The following UTRN variants were observed in gnomAD, a reference collection of about 807,000 sequenced individuals.
UTRN encodes utrophin.
UTRN carries 283 observed loss-of-function variants against 463.9 expected under a neutral mutation model. That is an observed-to-expected ratio of 0.61 (90% confidence interval 0.55 to 0.67). UTRN has a LOEUF of 0.67. UTRN is among the 30% of genes least tolerant of loss of function. The pLI is 0.00. For synonymous variants in UTRN, 1,442 were observed against 1,431.5 expected (o/e 1.01, Z -0.17); for missense variants, 3,922 against 4,084.3 (o/e 0.96, Z 1.08).
chr6:144,842,623 CAT>C (rs1781685045), intron 73 of UTRN, among the ~76,000 whole-genome samples: 1 of 152,072 alleles, frequency 6.6e-6, no homozygotes, highest in Non-Finnish European at 1.5e-5. Context: ...ATAAATAAAA[CAT>C]ATATTTCTTT....
intron 32 of UTRN, 32 bp from the exon 33 acceptor site, chr6:144,493,269 G>A: frequency 1.9e-6 from 3 of 1,610,586 alleles, no homozygotes; most frequent in East Asian, 4.5e-5. Context: ...ACCACAGTGT[G>A]TAATTTGTCT....
chr6:144,461,354 C>T lies in UTRN; in HGVS notation c.2853+12C>T, dbSNP rs2128561370. 6.5e-7 allele frequency: 1 copy of T among 1,535,302 alleles called. No individual in the cohort carries two copies. Among genetic ancestry groups the T allele is most frequent in the Non-Finnish European group, 8.8e-7 (1 of 1,138,472 alleles). ...TGCAAGAAAAAAAGGTAACATATAT[C>T]TTCCATGTTAGAACTCTAGCGCTTC... is the stretch of plus-strand genomic sequence containing the variant. On this transcript the variant is annotated intron_variant, in intron 22 of 74. Coordinates refer to ENST00000367545, the MANE Select transcript of UTRN (RefSeq NM_007124.3).
At chr6:144,468,618 A>G (rs1326616623) in intron 23 of UTRN, among the ~76,000 whole-genome samples, 2 of 149,588 alleles carry the variant, frequency 1.3e-5, no homozygotes. Flanking sequence ...GTGTGTGTGC[A>G]TGCGTGTGTT....
At chr6:144,643,451 A>G (rs1777963231) in intron 51 of UTRN, among the ~76,000 whole-genome samples, 1 of 152,188 alleles carries the variant, frequency 6.6e-6, no homozygotes, top group Admixed American at 6.5e-5. Flanking sequence ...TTGGATAGTC[A>G]TGTTGTTCAG....
chr6:144,455,422 G>A (rs1234282851), intron 19 of UTRN, among the ~76,000 whole-genome samples: 1 of 152,144 alleles, frequency 6.6e-6, no homozygotes, highest in East Asian at 1.9e-4. Context: ...TAATTATAAT[G>A]CATTGGATGT....
rs77868698 is a variant in UTRN at position 144,478,946 on chromosome 6, G to A, written c.3337-866G>A. 3.8e-3 allele frequency among the ~76,000 whole-genome samples: 578 copies of A among 152,166 alleles called. 1 individual carries two copies. The highest frequency in any genetic ancestry group is 0.013 in the African/African-American group (550 of 41,516). ...CTATTTTTTACTGTAACTTTTTTGT[G>A]TCTGTGTGGCATATACAAACATAGT... On this transcript the variant is annotated intron_variant, in intron 25 of 74. Coordinates refer to ENST00000367545, the MANE Select transcript of UTRN (RefSeq NM_007124.3).
intron 41 of UTRN, 78 bp from the exon 42 acceptor site, chr6:144,530,974 T>C: frequency 1.4e-6 from 2 of 1,463,776 alleles, no homozygotes; most frequent in Admixed American, 2.3e-5. Context: ...TGAAATTTGA[T>C]TTTCTTTTTT....
intron 3 of UTRN, among the ~76,000 whole-genome samples, chr6:144,408,643 G>GT (rs752820074): frequency 6.6e-6 from 1 of 152,200 alleles, no homozygotes; most frequent in Non-Finnish European, 1.5e-5. Context: ...TTGACAGAAC[G>GT]TAAGAGAGGA....
chr6:144,627,060 G>T (rs9403570), intron 51 of UTRN, among the ~76,000 whole-genome samples: 22,414 of 151,710 alleles, frequency 0.15, 2,100 homozygotes, highest in Admixed American at 0.26. Flanking sequence ...GCCCCATTCA[G>T]TAACCTTTTG....
chr6:144,569,042 A>G (rs548784841), intron 50 of UTRN, among the ~76,000 whole-genome samples: 2 of 152,238 alleles, frequency 1.3e-5, no homozygotes, highest in Non-Finnish European at 2.9e-5. Flanking sequence ...ATTATGATAA[A>G]TCATGTGGAG....
At chr6:144,603,588 T>A (rs6923281) in intron 51 of UTRN, among the ~76,000 whole-genome samples, 27,430 of 152,156 alleles carry the variant, frequency 0.18, 2,621 homozygotes, top group South Asian at 0.31. Context: ...TTAACATCTC[T>A]TTGATGTTAA....
chr6:144,772,322 GC>G (rs1794164176), intron 59 of UTRN, among the ~76,000 whole-genome samples: 1 of 152,034 alleles, frequency 6.6e-6, no homozygotes, highest in Non-Finnish European at 1.5e-5. Flanking sequence ...ACTGTGCCCG[GC>G]CGAGAACTGT....
intron 65 of UTRN, among the ~76,000 whole-genome samples, chr6:144,805,327 A>G (rs1778051710): frequency 6.6e-6 from 1 of 152,218 alleles, no homozygotes; most frequent in Admixed American, 6.5e-5. Context: ...TATACATTGC[A>G]GTAAGTGCCT....
chr6:144,440,300 A>G, intron 12 of UTRN, 52 bp from the exon 13 acceptor site: 2 of 1,602,572 alleles, frequency 1.2e-6, no homozygotes, highest in Middle Eastern at 1.7e-4. Context: ...TGCGTTTTAA[A>G]TAGGTAAATG....
At chr6:144,489,740 G>A (rs1160073465) in intron 30 of UTRN, among the ~76,000 whole-genome samples, 2 of 152,022 alleles carry the variant, frequency 1.3e-5, no homozygotes, top group Non-Finnish European at 2.9e-5. Context: ...TCCTGCCTCA[G>A]CCTCCCGAGT....
chr6:144,391,916 A>G (rs1781973270), intron 2 of UTRN, among the ~76,000 whole-genome samples: 1 of 152,230 alleles, frequency 6.6e-6, no homozygotes, highest in Non-Finnish European at 1.5e-5. Flanking sequence ...CTGGGATTAC[A>G]GGCGTGAGCC....
At chr6:144,711,187 G>A (rs1010343270) in intron 53 of UTRN, among the ~76,000 whole-genome samples, 2 of 152,114 alleles carry the variant, frequency 1.3e-5, no homozygotes, top group East Asian at 3.9e-4. Context: ...GGTGGCGGGT[G>A]CCTATCATCT....
chr6:144,736,782 T>C (rs1047668574), intron 54 of UTRN, among the ~76,000 whole-genome samples: 6 of 152,296 alleles, frequency 3.9e-5, no homozygotes, highest in East Asian at 3.9e-4. Flanking sequence ...CCCCACCTTG[T>C]GCCTCTCTTC....
intron 41 of UTRN, among the ~76,000 whole-genome samples, chr6:144,523,605 C>A (rs749226343): frequency 1.4e-4 from 21 of 152,208 alleles, no homozygotes; most frequent in Admixed American, 7.2e-4. Context: ...GCCACTGCAC[C>A]CGGCCTTATG....
Sources: gnomAD v4.1 joint callset for allele counts (sites outside exome capture counted in the v4.1 genomes callset) on GRCh38, gnomAD v4.1.1 for gene constraint, MANE v1.5 for transcripts, NCBI Gene and HGNC (gene_info 2026-07-23, HGNC 2026-07-21) for gene names.